The following RBCK1 variants were observed in gnomAD, a reference collection of about 807,000 sequenced individuals.
The protein encoded by RBCK1 is RANBP2-type and C3HC4-type zinc finger containing 1.
A neutral mutation model predicts 71.1 loss-of-function variants in RBCK1; 44 were observed. The ratio of observed to expected loss-of-function variants is 0.62; its 90% CI spans 0.49 to 0.80. The LOEUF is 0.80. Among genes scored for constraint, RBCK1 ranks in the 30% least tolerant of loss-of-function variants. The probability of loss-of-function intolerance (pLI) is 0.00; values close to 1 mark genes in which losing one functional copy is unlikely to be tolerated. For synonymous variants in RBCK1, 306 were observed against 279.7 expected (o/e 1.09, Z -0.94); for missense variants, 569 against 685.0 (o/e 0.83, Z 1.89).
chr20:417,296 C>T lies in RBCK1; in HGVS notation c.168-230C>T, dbSNP rs77359014. 3,640 of 705,042 alleles carry T rather than the reference C, an allele frequency of 5.2e-3. 143 individuals are homozygous for T. In the East Asian group the frequency reaches 0.086, roughly 17 times the overall value. 43.7% of individuals were successfully genotyped at this position (705,042 alleles called of 1,614,324 possible). On this transcript the variant is annotated intron_variant, in intron 2 of 11. Coordinates refer to ENST00000356286, the MANE Select transcript of RBCK1 (RefSeq NM_031229.4). The surrounding 1 kb of genome is among the most constrained non-coding windows in gnomAD (Gnocchi z 4.7). ...TCATGGAGGCCCTCGTGTGCTGCCA[C>T]GAGTTGATTCTAAGAGTAGCGTGGA...
At chr20:415,446 G>A (rs1465082983) in intron 2 of RBCK1, among the ~76,000 whole-genome samples, 3 of 152,036 alleles carry the variant, frequency 2.0e-5, no homozygotes, top group South Asian at 2.1e-4. Context: ...CTTAAAATCC[G>A]CTAATGCCCT....
At chr20:419,215 G>A in intron 4 of RBCK1, 132 bp from the exon 5 acceptor site, 1 of 1,265,110 alleles carries the variant, frequency 7.9e-7, no homozygotes, top group Non-Finnish European at 1.1e-6. Context: ...CCAGATGGAA[G>A]CTGGAGGTAC....
chr20:421,968 G>A (rs1339737842), intron 7 of RBCK1, 159 bp from the exon 8 acceptor site: 5 of 597,462 alleles, frequency 8.4e-6, no homozygotes, highest in Non-Finnish European at 1.5e-5. Flanking sequence ...CCTTGGTGAT[G>A]GGTTGGTGAG....
chr20:414,766 T>C (rs2015895946), intron 2 of RBCK1, among the ~76,000 whole-genome samples: 1 of 152,272 alleles, frequency 6.6e-6, no homozygotes, highest in South Asian at 2.1e-4. Context: ...TGCACTTTTA[T>C]GTTTCAAAAC....
At position 428,587 on chromosome 20, in the gene RBCK1, A is replaced by C. The variant is rs1233403841; in HGVS notation, c.1306A>C (p.Lys436Gln). 3 of 1,609,806 alleles carry C rather than the reference A, an allele frequency of 1.9e-6. No individual in the cohort carries two copies. Among genetic ancestry groups the C allele is most frequent in the Non-Finnish European group, 2.5e-6 (3 of 1,178,334 alleles). Residue 436 changes from lysine (K) to glutamine (Q), a missense_variant and splice_region_variant, in exon 10 of 12, where the codon AAG (lysine) becomes CAG (glutamine). Transcript: ENST00000356286. This position sits in a 1 kb window ranked among gnomAD's most constrained non-coding sequence, Gnocchi z 5.7. ...VAARQTTEML[K>Q]VMLQQGEAMR... ...TGCCCGGCAGACGACAGAGATGCTG[A>C]AGGTGAGGCTGGGACAGGGCCGAGG...
Position 422,412 on chromosome 20 carries a change from C to A in RBCK1, c.1029+174C>A, listed in dbSNP as rs1309558230. Among the ~76,000 whole-genome samples the A allele has an allele frequency of 6.6e-6, 1 of 151,902 alleles. No homozygotes were observed. The highest frequency in any genetic ancestry group is 2.4e-5 in the African/African-American group (1 of 41,346). The stretch of plus-strand genomic sequence containing the variant: ...GCTTAAGCGATCATTCATCCTCAGC[C>A]CCCCAGACATTTTTCAAGAGCTTTG... On this transcript the variant is annotated intron_variant, in intron 8 of 11. Coordinates refer to ENST00000356286, the MANE Select transcript of RBCK1 (RefSeq NM_031229.4). The surrounding 1 kb of genome is among the most constrained non-coding windows in gnomAD (Gnocchi z 5.0).
In RBCK1 at chr20:417,427, G is replaced by C; in HGVS notation, c.168-99G>C. On this transcript the variant is annotated intron_variant, in intron 2 of 11. Coordinates refer to ENST00000356286, the MANE Select transcript of RBCK1 (RefSeq NM_031229.4). This position sits in a 1 kb window ranked among gnomAD's most constrained non-coding sequence, Gnocchi z 4.7. The stretch of plus-strand genomic sequence containing the variant: ...TGTGTGTGTGTGTGTGTGTGTGCAT[G>C]GCCATGTGCCTGTGTGCAAATATGT... 1.1e-6 allele frequency: 1 copy of C among 938,134 alleles called. No individual in the cohort carries two copies. Among genetic ancestry groups the C allele is most frequent in the Non-Finnish European group, 1.7e-6 (1 of 571,866 alleles). 58.1% of individuals were successfully genotyped at this position (938,134 alleles called of 1,614,324 possible).
rs141386874 is a variant in RBCK1 at position 409,338 on chromosome 20, C to T, written c.23-543C>T. 1.4e-3 allele frequency among the ~76,000 whole-genome samples: 215 copies of T among 152,358 alleles called. 3 individuals carry two copies. In the East Asian group the frequency reaches 0.019, roughly 13 times the overall value. ...TCTTCCTTCCACCTGGACCACTCTT[C>T]CCCACTGGAGCTTGACACGTGCAGC... On this transcript the variant is annotated intron_variant, in intron 1 of 11. Coordinates refer to ENST00000356286, the MANE Select transcript of RBCK1 (RefSeq NM_031229.4).
chr20:420,198 C>CA, intron 6 of RBCK1: 2 of 985,220 alleles, frequency 2.0e-6, no homozygotes, highest in African/African-American at 3.5e-5. Context: ...GGGCTGGGCC[C>CA]ACCCCTGACT....
chr20:430,797 TTC>T lies in RBCK1; in HGVS notation c.*371_*372del. On this transcript the variant is annotated 3_prime_UTR_variant, in exon 12 of 12. Coordinates refer to ENST00000356286, the MANE Select transcript of RBCK1 (RefSeq NM_031229.4). This position sits in a 1 kb window ranked among gnomAD's most constrained non-coding sequence, Gnocchi z 5.6. ...CAGCTGTCAGCTTTCTGGGGCTAAC[TTC>T]TCTGCCTTTGTGGTTGGAGGCCTGA... The T allele has an allele frequency of 3.9e-6, 1 of 256,736 alleles. No individual in the cohort carries two copies. The allele number at this position is 256,736 out of a possible 1,614,324, so 15.9% of individuals were successfully genotyped here. A position where few individuals can be genotyped will look rare whatever the true frequency, so the allele number is the denominator to read the frequency against.
At chr20:408,929 C>A in intron 1 of RBCK1, 150 bp downstream of exon 1, 1 of 1,000,714 alleles carries the variant, frequency 1.0e-6, no homozygotes, top group East Asian at 2.7e-5. Flanking sequence ...TCCTTTGGTA[C>A]CTGCTGGCTT....
At chr20:412,091 T>C (rs67040509) in intron 2 of RBCK1, among the ~76,000 whole-genome samples, 14,931 of 152,208 alleles carry the variant, frequency 0.098, 1,192 homozygotes, top group East Asian at 0.28. Context: ...CATTTTACAT[T>C]CCCACCAGCA....
intron 8 of RBCK1, among the ~76,000 whole-genome samples, chr20:424,605 T>C (rs2016606833): frequency 6.6e-6 from 1 of 152,184 alleles, no homozygotes; most frequent in African/African-American, 2.4e-5. Context: ...TTTTCTCTGT[T>C]GTCTCTGGGT....
intron 2 of RBCK1, among the ~76,000 whole-genome samples, chr20:411,525 G>A (rs2015707178): frequency 6.6e-6 from 1 of 152,024 alleles, no homozygotes; most frequent in Non-Finnish European, 1.5e-5. Flanking sequence ...CCGCCACCAC[G>A]CCCAGCTAAT....
chr20:410,102 A>G (rs1030035020), intron 2 of RBCK1, 77 bp downstream of exon 2: 8 of 1,493,826 alleles, frequency 5.4e-6, no homozygotes, highest in Non-Finnish European at 7.2e-6. Context: ...GTTCTTCCTA[A>G]TGGCACGTTC....
At chr20:426,411 G>C (rs1046693994) in intron 8 of RBCK1, among the ~76,000 whole-genome samples, 2 of 152,046 alleles carry the variant, frequency 1.3e-5, no homozygotes, top group African/African-American at 4.8e-5. Context: ...TAGTTCAGTT[G>C]TTTCGATTTT....
intron 4 of RBCK1, among the ~76,000 whole-genome samples, chr20:418,410 C>T (rs2016126179): frequency 6.6e-6 from 1 of 152,076 alleles, no homozygotes; most frequent in South Asian, 2.1e-4. Flanking sequence ...GCTCTGTCGC[C>T]CAGGCTGGAG....
Position 428,360 on chromosome 20 carries a change from A to G in RBCK1, c.1210-131A>G, listed in dbSNP as rs2016843030. The G allele has an allele frequency of 3.4e-6, 2 of 580,710 alleles. No individual in the cohort carries two copies. The highest frequency in any genetic ancestry group is 3.9e-5 in the African/African-American group (2 of 51,614). The allele number at this position is 580,710 out of a possible 1,614,324, so 36.0% of individuals were successfully genotyped here. A position where few individuals can be genotyped will look rare whatever the true frequency, so the allele number is the denominator to read the frequency against. ...CTGTAAAATGGCTTATGCATTACAA[A>G]GTGAGGTCCTGCCAGTGACTACACC... On this transcript the variant is annotated intron_variant, in intron 9 of 11. Coordinates refer to ENST00000356286, the MANE Select transcript of RBCK1 (RefSeq NM_031229.4). This position sits in a 1 kb window ranked among gnomAD's most constrained non-coding sequence, Gnocchi z 5.7.
chr20:419,226 C>A lies in RBCK1; in HGVS notation c.461-121C>A, dbSNP rs183667937. On this transcript the variant is annotated intron_variant, in intron 4 of 11. Coordinates refer to ENST00000356286, the MANE Select transcript of RBCK1 (RefSeq NM_031229.4). ...TTGGCCAGATGGAAGCTGGAGGTAC[C>A]CCCAGGGAGGAGGGAGAGGATAGGG... 1.6e-4 allele frequency: 214 copies of A among 1,375,806 alleles called. 3 individuals are homozygous for A. In the East Asian group the frequency reaches 4.7e-3, roughly 30 times the overall value. 85.2% of individuals were successfully genotyped at this position (1,375,806 alleles called of 1,614,324 possible).
Sources: allele counts gnomAD v4.1 joint callset (sites outside exome capture counted in the v4.1 genomes callset), GRCh38; gene constraint gnomAD v4.1.1; non-coding constraint Gnocchi (gnomAD v3.1); transcripts MANE v1.5; gene names NCBI Gene and HGNC (gene_info 2026-07-23, HGNC 2026-07-21).